PIGU: variants seen among roughly 807,000 people sequenced by gnomAD.
The protein encoded by PIGU is GPI-anchor transamidase component PIGU.
PIGU carries 24 observed loss-of-function variants against 49.9 expected under a neutral mutation model. That is an observed-to-expected ratio of 0.48 (90% CI 0.35 to 0.68). The LOEUF is 0.68. PIGU is among the 30% of genes least tolerant of loss of function. The pLI is 0.01. For missense variants in PIGU, 490 were observed against 532.6 expected (o/e 0.92, Z 0.79); for synonymous variants, 220 against 205.7 (o/e 1.07, Z -0.59).
At chr20:34,617,117 G>A (rs751254791) in intron 6 of PIGU, among the ~76,000 whole-genome samples, 3 of 152,158 alleles carry the variant, frequency 2.0e-5, no homozygotes, top group Admixed American at 1.3e-4. Context: ...AGTAGGGGGC[G>A]GAGCCCTCAT....
intron 7 of PIGU, among the ~76,000 whole-genome samples, chr20:34,593,790 A>C (rs1483938676): frequency 6.6e-6 from 1 of 152,234 alleles, no homozygotes; most frequent in Non-Finnish European, 1.5e-5. Flanking sequence ...AAACATGGTG[A>C]ACTTGTCTTT....
intron 2 of PIGU, among the ~76,000 whole-genome samples, chr20:34,651,177 G>A (rs6087613): frequency 0.077 from 11,766 of 152,248 alleles, 650 homozygotes; most frequent in Non-Finnish European, 0.12. Flanking sequence ...TTTAGTCTTT[G>A]TAAAACTAGT....
intron 2 of PIGU, among the ~76,000 whole-genome samples, chr20:34,648,278 C>G (rs1043054069): frequency 6.6e-6 from 1 of 151,320 alleles, no homozygotes; most frequent in Admixed American, 6.6e-5. Flanking sequence ...AAAAAATCCC[C>G]CACTGTGACT....
chr20:34,626,398 G>A (rs546135164), intron 6 of PIGU, among the ~76,000 whole-genome samples: 3 of 151,780 alleles, frequency 2.0e-5, no homozygotes, highest in African/African-American at 7.3e-5. Flanking sequence ...CACCTCCCGG[G>A]TTCAAGCGAT....
chr20:34,664,757 A>C (rs1340532328), intron 1 of PIGU, among the ~76,000 whole-genome samples: 1 of 152,166 alleles, frequency 6.6e-6, no homozygotes, highest in Non-Finnish European at 1.5e-5. Flanking sequence ...TGAGAGGCCA[A>C]GGAGGGTATA....
intron 7 of PIGU, among the ~76,000 whole-genome samples, chr20:34,598,590 C>T (rs1379852452): frequency 1.3e-5 from 2 of 152,334 alleles, no homozygotes; most frequent in Non-Finnish European, 1.5e-5. Flanking sequence ...AAGCAGTTCA[C>T]ACAAACTATT....
At chr20:34,620,792 C>T (rs1296021861) in intron 6 of PIGU, among the ~76,000 whole-genome samples, 1 of 142,232 alleles carries the variant, frequency 7.0e-6, no homozygotes, top group Non-Finnish European at 1.5e-5. Flanking sequence ...CACAGCAAGA[C>T]TCCACCTAAA....
At chr20:34,564,796 A>G (rs540550810) in intron 11 of PIGU, among the ~76,000 whole-genome samples, 18 of 152,336 alleles carry the variant, frequency 1.2e-4, no homozygotes, top group East Asian at 5.8e-4. Flanking sequence ...TGGGTGTCCA[A>G]TGCTAAAGCT....
At chr20:34,659,428 G>A (rs1282370249) in intron 1 of PIGU, among the ~76,000 whole-genome samples, 1 of 144,270 alleles carries the variant, frequency 6.9e-6, no homozygotes, top group East Asian at 2.1e-4. Flanking sequence ...GGAGGGAGGT[G>A]GGGGGGTCAG....
At chr20:34,653,610 G>C (rs983591442) in intron 2 of PIGU, among the ~76,000 whole-genome samples, 3 of 152,182 alleles carry the variant, frequency 2.0e-5, no homozygotes, top group African/African-American at 7.2e-5. Flanking sequence ...ACCTAGCAGA[G>C]TAGCTGGCAC....
At chr20:34,646,663 A>G (rs1986354424) in intron 2 of PIGU, among the ~76,000 whole-genome samples, 1 of 151,712 alleles carries the variant, frequency 6.6e-6, no homozygotes, top group Non-Finnish European at 1.5e-5. Flanking sequence ...CCTGGCTCAG[A>G]CTCCCGAACT....
chr20:34,567,923 C>T (rs1982843066), intron 11 of PIGU, among the ~76,000 whole-genome samples: 1 of 152,088 alleles, frequency 6.6e-6, no homozygotes, highest in South Asian at 2.1e-4. Context: ...AGGCCACCTT[C>T]CCCAGGAAGC....
intron 7 of PIGU, among the ~76,000 whole-genome samples, chr20:34,592,589 A>G (rs1034025934): frequency 2.0e-5 from 3 of 152,162 alleles, no homozygotes; most frequent in Non-Finnish European, 4.4e-5. Context: ...TGAAAAATAT[A>G]AATAATTTAA....
At chr20:34,662,198 G>A (rs1158838586) in intron 1 of PIGU, among the ~76,000 whole-genome samples, 1 of 151,798 alleles carries the variant, frequency 6.6e-6, no homozygotes, top group Admixed American at 6.6e-5. Context: ...TCAGCCTCTC[G>A]AGCAGTTGGG....
chr20:34,580,712 C>T (rs1983422923), intron 10 of PIGU, among the ~76,000 whole-genome samples: 1 of 152,192 alleles, frequency 6.6e-6, no homozygotes, highest in Admixed American at 6.5e-5. Flanking sequence ...TTCTATGTGT[C>T]AGCTTCAGTC....
At position 34,581,441 on chromosome 20, in the gene PIGU, G is replaced by A. The variant is rs995488161; in HGVS notation, c.1051+107C>T. 7 of 1,430,832 alleles carry A rather than the reference G, an allele frequency of 4.9e-6. No individual in the cohort carries two copies. In the African/African-American group the frequency reaches 1.0e-4, roughly 20 times the overall value. The allele number at this position is 1,430,832 out of a possible 1,614,324, so 88.6% of individuals were successfully genotyped here. On this transcript the variant is annotated intron_variant, in intron 10 of 11. Transcript: ENST00000217446. Reference sequence around the variant, plus strand: ...ATGCCTCTGCTCCCCTCCTAGTGCTGCCAGCATAACAGGTGCCTGGTAAAT... The same window carrying A: ...ATGCCTCTGCTCCCCTCCTAGTGCTACCAGCATAACAGGTGCCTGGTAAAT...
chr20:34,574,161 C>T (rs777786406), intron 11 of PIGU, among the ~76,000 whole-genome samples: 1 of 152,340 alleles, frequency 6.6e-6, no homozygotes, highest in Middle Eastern at 3.4e-3. Context: ...CAGAGCCTGA[C>T]CTGAGAGAAG....
intron 2 of PIGU, among the ~76,000 whole-genome samples, chr20:34,652,291 C>T (rs1196907881): frequency 6.6e-6 from 1 of 152,164 alleles, no homozygotes; most frequent in Non-Finnish European, 1.5e-5. Context: ...AGACATGAGC[C>T]ACCGTGCCTG....
chr20:34,659,362 C>T (rs1164809045), intron 1 of PIGU, among the ~76,000 whole-genome samples: 9 of 147,758 alleles, frequency 6.1e-5, no homozygotes, highest in African/African-American at 7.6e-5. Context: ...CGCCTCTGCC[C>T]GGCCGCCCCT....
Sources: allele counts gnomAD v4.1 joint callset (sites outside exome capture counted in the v4.1 genomes callset), GRCh38; gene constraint gnomAD v4.1.1; transcripts MANE v1.5; gene names NCBI Gene and HGNC (gene_info 2026-07-23, HGNC 2026-07-21).